The following NOS1AP variants were observed in gnomAD, a reference collection of about 807,000 sequenced individuals.
The protein encoded by NOS1AP is nitric oxide synthase 1 adaptor protein.
In NOS1AP, 21 loss-of-function variants were observed where a neutral mutation model predicts 56.2. That is an observed-to-expected ratio of 0.37 (90% CI 0.26 to 0.54). The LOEUF is 0.54. Among genes scored for constraint, NOS1AP ranks in the 20% least tolerant of loss-of-function variants. The probability of loss-of-function intolerance (pLI) is 0.84; values close to 1 mark genes in which losing one functional copy is unlikely to be tolerated. For synonymous variants in NOS1AP, 270 were observed against 274.6 expected (o/e 0.98, Z 0.17); for missense variants, 522 against 657.8 (o/e 0.79, Z 2.26).
chr1:162,074,880 C>T (rs757614278), intron 1 of NOS1AP, among the ~76,000 whole-genome samples: 1 of 152,126 alleles, frequency 6.6e-6, no homozygotes, highest in Non-Finnish European at 1.5e-5. Context: ...AGCATGGTGG[C>T]CCTTTTGTTT....
intron 1 of NOS1AP, among the ~76,000 whole-genome samples, chr1:162,086,213 T>C (rs1190310211): frequency 6.6e-6 from 1 of 152,046 alleles, no homozygotes; most frequent in East Asian, 1.9e-4. Context: ...TAAATGATGA[T>C]TCTTGAGGTT....
At chr1:162,181,268 C>A (rs944132349) in intron 2 of NOS1AP, among the ~76,000 whole-genome samples, 1 of 152,098 alleles carries the variant, frequency 6.6e-6, no homozygotes, top group Admixed American at 6.5e-5. Flanking sequence ...TTAAGACACA[C>A]CTTTGAGAAA....
At chr1:162,263,086 A>T (rs1654291687) in intron 2 of NOS1AP, among the ~76,000 whole-genome samples, 1 of 152,002 alleles carries the variant, frequency 6.6e-6, no homozygotes, top group Non-Finnish European at 1.5e-5. Context: ...TAATTTTTTG[A>T]TTTTCACTAT....
intron 4 of NOS1AP, among the ~76,000 whole-genome samples, chr1:162,328,045 C>G (rs1190614286): frequency 6.6e-6 from 1 of 152,210 alleles, no homozygotes; most frequent in Non-Finnish European, 1.5e-5. Flanking sequence ...AGGCCAGCAG[C>G]TAGAAGATGG....
At chr1:162,177,553 C>T (rs544548877) in intron 2 of NOS1AP, among the ~76,000 whole-genome samples, 3 of 152,208 alleles carry the variant, frequency 2.0e-5, no homozygotes, top group Non-Finnish European at 2.9e-5. Context: ...CTTCAGTTTG[C>T]GGGGCAGCTC....
chr1:162,130,178 G>T (rs1358842016), intron 1 of NOS1AP, among the ~76,000 whole-genome samples: 1 of 152,128 alleles, frequency 6.6e-6, no homozygotes, highest in Admixed American at 6.5e-5. Flanking sequence ...TCTGATAATG[G>T]CTATAATAAC....
chr1:162,173,012 C>A (rs1284080853), intron 2 of NOS1AP, among the ~76,000 whole-genome samples: 2 of 151,744 alleles, frequency 1.3e-5, no homozygotes, highest in Non-Finnish European at 2.9e-5. Flanking sequence ...ACCTTTGCTT[C>A]CCAGGCTCAA....
intron 2 of NOS1AP, among the ~76,000 whole-genome samples, chr1:162,274,870 A>C (rs1023097549): frequency 6.6e-6 from 1 of 152,154 alleles, no homozygotes; most frequent in Non-Finnish European, 1.5e-5. Flanking sequence ...CCCTTTAATC[A>C]AGTGTCCATT....
intron 2 of NOS1AP, among the ~76,000 whole-genome samples, chr1:162,166,975 A>G (rs1283589890): frequency 1.3e-5 from 2 of 152,210 alleles, no homozygotes; most frequent in African/African-American, 4.8e-5. Flanking sequence ...CATCAGGTCC[A>G]GGTTGAAAAC....
intron 1 of NOS1AP, among the ~76,000 whole-genome samples, chr1:162,122,108 T>G (rs567271104): frequency 1.3e-5 from 2 of 152,356 alleles, no homozygotes; most frequent in South Asian, 4.1e-4. Context: ...CATTGATTAT[T>G]ATAAGATTAT....
intron 2 of NOS1AP, among the ~76,000 whole-genome samples, chr1:162,251,063 C>CTTT (rs1248538230): frequency 7.8e-6 from 1 of 127,872 alleles, no homozygotes; most frequent in Non-Finnish European, 1.6e-5. Flanking sequence ...CTGTCCTGAG[C>CTTT]TTTTTTGTTT....
intron 2 of NOS1AP, among the ~76,000 whole-genome samples, chr1:162,251,548 C>T (rs989182118): frequency 1.6e-4 from 24 of 151,670 alleles, no homozygotes; most frequent in African/African-American, 5.6e-4. Flanking sequence ...CCCAAGGAGA[C>T]AGGAGTCAAG....
At chr1:162,200,896 G>A (rs1475211050) in intron 2 of NOS1AP, among the ~76,000 whole-genome samples, 3 of 152,208 alleles carry the variant, frequency 2.0e-5, no homozygotes, top group African/African-American at 7.2e-5. Context: ...GATGAATTTA[G>A]AGCAGGACAT....
intron 3 of NOS1AP, among the ~76,000 whole-genome samples, chr1:162,291,967 T>A (rs1437196859): frequency 1.3e-5 from 2 of 152,230 alleles, no homozygotes; most frequent in Non-Finnish European, 2.9e-5. Flanking sequence ...TTGAACTTCA[T>A]CCAAGGGATT....
chr1:162,255,379 C>T (rs961343367), intron 2 of NOS1AP, among the ~76,000 whole-genome samples: 1 of 152,046 alleles, frequency 6.6e-6, no homozygotes, highest in African/African-American at 2.4e-5. Context: ...TAGACTCTTC[C>T]CCAAACAGTG....
At chr1:162,219,055 C>T (rs1373378708) in intron 2 of NOS1AP, among the ~76,000 whole-genome samples, 2 of 152,056 alleles carry the variant, frequency 1.3e-5, no homozygotes, top group African/African-American at 4.8e-5. Flanking sequence ...GTATTATCTT[C>T]TAGTGGCTAA....
intron 2 of NOS1AP, among the ~76,000 whole-genome samples, chr1:162,281,723 G>T (rs78781688): frequency 1.3e-5 from 2 of 152,216 alleles, no homozygotes; most frequent in African/African-American, 4.8e-5. Flanking sequence ...ATATCATTTC[G>T]TGAGCAGAAT....
At chr1:162,345,829 A>G (rs1041385702) in intron 6 of NOS1AP, among the ~76,000 whole-genome samples, 10 of 152,240 alleles carry the variant, frequency 6.6e-5, no homozygotes, top group African/African-American at 2.4e-4. Flanking sequence ...TGATACTTTT[A>G]AAATGCTGAG....
In NOS1AP at chr1:162,198,054, A is replaced by G. The variant is rs995746557; in HGVS notation, c.177+43578A>G. Among the ~76,000 whole-genome samples the G allele has an allele frequency of 2.6e-5, 4 of 152,282 alleles. No homozygotes were observed. In the East Asian group the frequency reaches 7.7e-4, roughly 29 times the overall value. On this transcript the variant is annotated intron_variant, in intron 2 of 9. Transcript: ENST00000361897. ...GTCATGGGCCCGGCCTGGCTGTAGGAGGGCCCTGGTACTGCCTCCTCAGGG... is the reference window on the plus strand; with the variant it reads ...GTCATGGGCCCGGCCTGGCTGTAGGGGGGCCCTGGTACTGCCTCCTCAGGG...
Sources: gnomAD v4.1 joint callset for allele counts (sites outside exome capture counted in the v4.1 genomes callset) on GRCh38, gnomAD v4.1.1 for gene constraint, MANE v1.5 for transcripts, NCBI Gene and HGNC (gene_info 2026-07-23, HGNC 2026-07-21) for gene names.